The following SPIRE1 variants were observed in gnomAD, a reference collection of about 807,000 sequenced individuals.
The protein encoded by SPIRE1 is protein spire homolog 1.
Under a neutral mutation model 94.1 loss-of-function variants are expected in SPIRE1, and 40 were observed. The ratio of observed to expected loss-of-function variants is 0.43; its 90% CI spans 0.33 to 0.55. SPIRE1 has a LOEUF of 0.55. SPIRE1 is among the 20% of genes least tolerant of loss of function. SPIRE1 has a pLI of 0.06. For synonymous variants in SPIRE1, 376 were observed against 371.7 expected (o/e 1.01, Z -0.13); for missense variants, 838 against 975.2 (o/e 0.86, Z 1.87).
At chr18:12,597,097 T>C (rs2036693250) in intron 2 of SPIRE1, among the ~76,000 whole-genome samples, 2 of 151,200 alleles carry the variant, frequency 1.3e-5, no homozygotes, top group South Asian at 4.2e-4. Flanking sequence ...CACCCTTTCA[T>C]TATCTTACCT....
intron 2 of SPIRE1, among the ~76,000 whole-genome samples, chr18:12,564,769 A>G (rs1295228488): frequency 6.6e-6 from 1 of 152,064 alleles, no homozygotes; most frequent in East Asian, 1.9e-4. Flanking sequence ...CCTGAGAATT[A>G]AAAAAAACTC....
intron 2 of SPIRE1, among the ~76,000 whole-genome samples, chr18:12,553,418 A>G (rs111529609): frequency 0.012 from 1,821 of 152,270 alleles, 40 homozygotes; most frequent in African/African-American, 0.042. Context: ...TGGGCCCTCA[A>G]TGAACATCAG....
Position 12,479,788 on chromosome 18 carries a change from C to T in SPIRE1, c.1315G>A (p.Gly439Arg), listed in dbSNP as rs199808412. Reference sequence around the variant, plus strand: ...GGCACCTGCTGTGAGGTACTTAACCCGTTTTCTTTTGTTTGTGATGTCAAA... The same window carrying T: ...GGCACCTGCTGTGAGGTACTTAACCTGTTTTCTTTTGTTTGTGATGTCAAA... ...GGLTSQTKENGLSTSQQVPAQ... is the reference protein window; with the variant it reads ...GGLTSQTKENRLSTSQQVPAQ... Residue 439 changes from glycine to arginine, a missense_variant, in exon 10 of 17, where the codon GGG (glycine) becomes AGG (arginine). This residue lies in a region of SPIRE1 where 645 missense variants were observed against 804.7 expected (regional missense o/e 0.80). Coordinates refer to ENST00000409402, the MANE Select transcript of SPIRE1 (RefSeq NM_001128626.2). 6 of 1,614,118 alleles carry T rather than the reference C, an allele frequency of 3.7e-6. No individual in the cohort carries two copies. The highest frequency in any genetic ancestry group is 4.5e-5 in the East Asian group (2 of 44,866).
intron 2 of SPIRE1, among the ~76,000 whole-genome samples, chr18:12,634,268 A>AT (rs1555635123): frequency 5.5e-5 from 8 of 144,688 alleles, no homozygotes; most frequent in Non-Finnish European, 9.2e-5. Flanking sequence ...TAAAAAAAAA[A>AT]AAAAATAATA....
At chr18:12,456,630 C>T (rs1167760966) in intron 12 of SPIRE1, among the ~76,000 whole-genome samples, 1 of 152,144 alleles carries the variant, frequency 6.6e-6, no homozygotes, top group Non-Finnish European at 1.5e-5. Context: ...ACCAACTTAA[C>T]TGACTTTATG....
At chr18:12,476,606 C>T (rs1362198581) in intron 10 of SPIRE1, among the ~76,000 whole-genome samples, 2 of 131,680 alleles carry the variant, frequency 1.5e-5, no homozygotes, top group South Asian at 2.5e-4. Flanking sequence ...CACACACACA[C>T]ACATATATAC....
At chr18:12,657,440 G>C in intron 1 of SPIRE1, 90 bp downstream of exon 1, 2 of 1,060,596 alleles carry the variant, frequency 1.9e-6, no homozygotes, top group Non-Finnish European at 2.4e-6. Context: ...GGGGGACGGC[G>C]GGGGCGGAAG....
intron 2 of SPIRE1, among the ~76,000 whole-genome samples, chr18:12,584,819 G>A (rs891721130): frequency 6.6e-6 from 1 of 151,964 alleles, no homozygotes; most frequent in Non-Finnish European, 1.5e-5. Flanking sequence ...TCGCCCTGTT[G>A]CCCAGGCTGG....
At chr18:12,545,867 T>A (rs1351633560) in intron 3 of SPIRE1, among the ~76,000 whole-genome samples, 1 of 152,216 alleles carries the variant, frequency 6.6e-6, no homozygotes, top group African/African-American at 2.4e-5. Context: ...ACATGACATG[T>A]AATGATAAGG....
chr18:12,473,215 C>T (rs1237159472), intron 10 of SPIRE1, among the ~76,000 whole-genome samples: 1 of 152,098 alleles, frequency 6.6e-6, no homozygotes, highest in African/African-American at 2.4e-5. Flanking sequence ...GAGCCACCCA[C>T]CTGGCTCATT....
At chr18:12,462,487 T>C (rs2031905094) in intron 12 of SPIRE1, among the ~76,000 whole-genome samples, 1 of 152,162 alleles carries the variant, frequency 6.6e-6, no homozygotes, top group Non-Finnish European at 1.5e-5. Flanking sequence ...GGCTGGGAGA[T>C]CTACTAATTC....
chr18:12,561,486 G>A (rs562301866), intron 2 of SPIRE1, among the ~76,000 whole-genome samples: 303 of 152,028 alleles, frequency 2.0e-3, no homozygotes, highest in African/African-American at 6.8e-3. Context: ...GGCTGGTCTC[G>A]AACTCCCGAC....
intron 9 of SPIRE1, among the ~76,000 whole-genome samples, chr18:12,481,054 G>C (rs2032823790): frequency 6.6e-6 from 1 of 152,174 alleles, no homozygotes; most frequent in Non-Finnish European, 1.5e-5. Context: ...ATGTGGCCCG[G>C]CATGGTGGCT....
At chr18:12,590,615 T>C (rs928987705) in intron 2 of SPIRE1, among the ~76,000 whole-genome samples, 8 of 149,820 alleles carry the variant, frequency 5.3e-5, no homozygotes, top group African/African-American at 1.7e-4. Context: ...CATGTCCACC[T>C]TACAACCCCT....
intron 2 of SPIRE1, among the ~76,000 whole-genome samples, chr18:12,633,405 C>T (rs1223332676): frequency 6.6e-6 from 1 of 151,882 alleles, no homozygotes; most frequent in African/African-American, 2.4e-5. Context: ...GGTAAAACCC[C>T]GTCTTCACTA....
intron 1 of SPIRE1, among the ~76,000 whole-genome samples, chr18:12,640,273 T>A (rs1195424631): frequency 6.6e-6 from 1 of 152,196 alleles, no homozygotes; most frequent in Non-Finnish European, 1.5e-5. Flanking sequence ...AGATAAATGG[T>A]TCTCAGAATT....
chr18:12,645,836 C>T (rs967663658), intron 1 of SPIRE1, among the ~76,000 whole-genome samples: 6 of 152,088 alleles, frequency 3.9e-5, no homozygotes, highest in African/African-American at 1.4e-4. Context: ...GCACAAAGTC[C>T]TTCATCATCT....
intron 4 of SPIRE1, among the ~76,000 whole-genome samples, chr18:12,535,103 T>G (rs1032033603): frequency 1.3e-5 from 2 of 152,184 alleles, no homozygotes; most frequent in African/African-American, 4.8e-5. Context: ...TTTCTGAGCC[T>G]TTATCCCTTC....
At chr18:12,532,343 T>C (rs1291341266) in intron 4 of SPIRE1, among the ~76,000 whole-genome samples, 4 of 152,206 alleles carry the variant, frequency 2.6e-5, no homozygotes, top group East Asian at 3.8e-4. Flanking sequence ...TTTTAATAAA[T>C]TGCCAATTTG....
Sources: gnomAD v4.1 joint callset for allele counts (sites outside exome capture counted in the v4.1 genomes callset) on GRCh38, gnomAD v4.1.1 for gene constraint, gnomAD v4.1.1 regional missense constraint, MANE v1.5 for transcripts, NCBI Gene and HGNC (gene_info 2026-07-23, HGNC 2026-07-21) for gene names.